Variants in LRIT3 observed in about 807,000 individuals in gnomAD.
The protein encoded by LRIT3 is leucine rich repeat, Ig-like and transmembrane domains 3.
In LRIT3, 14 loss-of-function variants were observed where a neutral mutation model predicts 22.6. The observed-to-expected ratio is 0.62, with a 90% CI of 0.41 to 0.97. The LOEUF is 0.97. Among genes scored for constraint, LRIT3 ranks in the 50% least tolerant of loss-of-function variants. The pLI is 0.00. For missense variants in LRIT3, 783 were observed against 803.0 expected (o/e 0.98, Z 0.30); for synonymous variants, 306 against 304.5 (o/e 1.01, Z -0.05).
At chr4:109,855,278 T>G (rs1399027364) in intron 2 of LRIT3, among the ~76,000 whole-genome samples, 3 of 152,180 alleles carry the variant, frequency 2.0e-5, no homozygotes, top group Non-Finnish European at 2.9e-5. Context: ...GGAGGGTGTA[T>G]GTGTCCAGGA....
intron 2 of LRIT3, among the ~76,000 whole-genome samples, chr4:109,854,248 C>A (rs2125897962): frequency 6.6e-6 from 1 of 152,222 alleles, no homozygotes; most frequent in Middle Eastern, 3.4e-3. Context: ...TTGTTTATAT[C>A]TTCTTTTATT....
intron 2 of LRIT3, chr4:109,865,111 T>G: frequency 7.1e-7 from 1 of 1,414,500 alleles, no homozygotes; most frequent in South Asian, 1.6e-5. Context: ...ATTATTTTTA[T>G]TTTATAGGCT....
intron 1 of LRIT3, among the ~76,000 whole-genome samples, 164 bp downstream of exon 1, chr4:109,848,481 C>T (rs1734131024): frequency 6.6e-6 from 1 of 152,196 alleles, no homozygotes; most frequent in Non-Finnish European, 1.5e-5. Context: ...TGGTCACCTA[C>T]TCCTTCACTG....
Position 109,870,223 on chromosome 4 carries a change from G to A in LRIT3, c.1474G>A (p.Val492Met), listed in dbSNP as rs771574948. The A allele has an allele frequency of 1.2e-6, 2 of 1,614,178 alleles. No individual in the cohort carries two copies. The highest frequency in any genetic ancestry group is 4.5e-5 in the East Asian group (2 of 44,886). Reference sequence around the variant, plus strand: ...AAATGCCGCAATAGAAAACCTCAGGGTGGTCAGTGAGACTAAAGAGAGTGT... The same window carrying A: ...AAATGCCGCAATAGAAAACCTCAGGATGGTCAGTGAGACTAAAGAGAGTGT... The part of the protein sequence containing the change: ...ETNAAIENLR[V>M]VSETKESVTL... The change falls in exon 4 of 4, where the codon GTG becomes ATG. Residue 492 changes from valine to methionine, a missense_variant. Physicochemically the swap from Val to Met is conservative, Grantham distance 21. This residue lies in a region of LRIT3 where 756 missense variants were observed against 753.8 expected (regional missense o/e 1.00). Coordinates refer to ENST00000594814, the MANE Select transcript of LRIT3 (RefSeq NM_198506.5).
At chr4:109,866,109 C>A (rs1734673416) in intron 2 of LRIT3, among the ~76,000 whole-genome samples, 1 of 152,036 alleles carries the variant, frequency 6.6e-6, no homozygotes, top group South Asian at 2.1e-4. Flanking sequence ...AAAATACGAG[C>A]CAGTCATGAC....
rs1323611731 is a variant in LRIT3, at chr4:109,851,710, A to G, written c.323A>G (p.His108Arg). ...AGCTTTTACAACCTGAAGCAACTGCATGAGTTGCGCTTGGATGGGAATTCT... is the reference window on the plus strand; with the variant it reads ...AGCTTTTACAACCTGAAGCAACTGCGTGAGTTGCGCTTGGATGGGAATTCT... Reference protein sequence around the residue: ...PSSFYNLKQLHELRLDGNSLA... With the variant: ...PSSFYNLKQLRELRLDGNSLA... Residue 108 changes from histidine to arginine, a missense_variant, in exon 2 of 4, where the codon CAT (histidine) becomes CGT (arginine). His to Arg is a conservative substitution (Grantham distance 29). Around this residue, in one of 2 missense-constraint regions of LRIT3, gnomAD observed 756 missense variants for 753.8 expected, o/e 1.00. Coordinates refer to ENST00000594814, the MANE Select transcript of LRIT3 (RefSeq NM_198506.5). 21 of 1,551,738 alleles carry G rather than the reference A, an allele frequency of 1.4e-5. No individual in the cohort carries two copies. The highest frequency in any genetic ancestry group is 1.8e-5 in the Non-Finnish European group (21 of 1,146,996).
chr4:109,858,065 T>C (rs1220050356), intron 2 of LRIT3, among the ~76,000 whole-genome samples: 1 of 152,008 alleles, frequency 6.6e-6, no homozygotes, highest in Non-Finnish European at 1.5e-5. Context: ...AAACCTAAAG[T>C]GATATTGAAA....
At position 109,870,261 on chromosome 4, in the gene LRIT3, G is replaced by C; in HGVS notation, c.1512G>C (p.Trp504Cys). ...CTAAAGAGAGTGTGACATTGACGTG[G>C]AATATGATCAACACCACACATAACT... The part of the protein sequence containing the change: ...SETKESVTLT[W>C]NMINTTHNSA... Residue 504 changes from tryptophan (W) to cysteine (C), a missense_variant, in exon 4 of 4, where the codon TGG becomes TGC. Coordinates refer to ENST00000594814, the MANE Select transcript of LRIT3 (RefSeq NM_198506.5). The C allele has an allele frequency of 6.2e-7, 1 of 1,614,188 alleles. No homozygotes were observed. Among genetic ancestry groups the C allele is most frequent in the African/African-American group, 1.3e-5 (1 of 75,040 alleles).
Position 109,870,117 on chromosome 4 carries a change from G to T in LRIT3, c.1368G>T (p.Lys456Asn), listed in dbSNP as rs988351572. ...QGGKRNLKVA[K>N]NGSKLPPAST... ...GGAAAAGAAATTTAAAGGTGGCAAA[G>T]AATGGAAGTAAGCTTCCTCCAGCCA... The change falls in exon 4 of 4, where the codon AAG becomes AAT. Residue 456 changes from lysine (K) to asparagine (N), a missense_variant. Lys to Asn is a moderately conservative substitution (Grantham distance 94). Coordinates refer to ENST00000594814, the MANE Select transcript of LRIT3 (RefSeq NM_198506.5). 5 of 1,614,054 alleles carry T rather than the reference G, an allele frequency of 3.1e-6. No individual in the cohort carries two copies. The highest frequency in any genetic ancestry group is 1.3e-5 in the African/African-American group (1 of 74,926).
chr4:109,855,372 G>A (rs1734375262), intron 2 of LRIT3, among the ~76,000 whole-genome samples: 1 of 152,026 alleles, frequency 6.6e-6, no homozygotes, highest in South Asian at 2.1e-4. Context: ...TATTTCTTTG[G>A]GATCAGTGGT....
chr4:109,851,345 G>C, intron 1 of LRIT3, 159 bp from the exon 2 acceptor site: 1 of 981,834 alleles, frequency 1.0e-6, no homozygotes, highest in Non-Finnish European at 1.5e-6. Context: ...ACCTTGGTTA[G>C]ATTTGAACCA....
intron 1 of LRIT3, among the ~76,000 whole-genome samples, chr4:109,850,422 C>CTTTCTTTCTCTTT (rs1553922077): frequency 1.8e-5 from 1 of 55,088 alleles, no homozygotes; most frequent in South Asian, 7.3e-4. Flanking sequence ...TTCCTTCCTT[C>CTTTCTTTCTCTTT]CTTTCTTTCT....
At chr4:109,852,167 G>A (rs1455588864) in intron 2 of LRIT3, among the ~76,000 whole-genome samples, 191 bp downstream of exon 2, 1 of 152,190 alleles carries the variant, frequency 6.6e-6, no homozygotes, top group African/African-American at 2.4e-5. Flanking sequence ...AGCTGTGTGT[G>A]TGTGCATGCA....
At chr4:109,857,101 G>T (rs1288199249) in intron 2 of LRIT3, among the ~76,000 whole-genome samples, 1 of 152,062 alleles carries the variant, frequency 6.6e-6, no homozygotes, top group Admixed American at 6.6e-5. Flanking sequence ...GTCAATACAA[G>T]TATACAAGTA....
chr4:109,851,906 G>A lies in LRIT3; in HGVS notation c.519G>A (p.Leu173=), dbSNP rs1389332912. Residue 173 remains leucine, a synonymous_variant, in exon 2 of 4, where the codon CTG becomes CTA. Transcript: ENST00000594814. The part of the protein sequence containing the change: ...NRLTTLPPDF[L]ESWTHLVSTP... ...TCACCACATTGCCACCAGATTTCCT[G>A]GAGAGCTGGACTCATTTAGTTTCAA... 2 of 1,551,470 alleles carry A rather than the reference G, an allele frequency of 1.3e-6. No homozygotes were observed. The highest frequency in any genetic ancestry group is 1.7e-6 in the Non-Finnish European group (2 of 1,146,964).
chr4:109,853,961 C>T (rs376120422), intron 2 of LRIT3, among the ~76,000 whole-genome samples: 1 of 152,172 alleles, frequency 6.6e-6, no homozygotes, highest in Non-Finnish European at 1.5e-5. Context: ...GTTTTGGTAT[C>T]AGTACTGTGC....
rs1413115459 is a variant in LRIT3, at chr4:109,851,985, G to T, written c.589+9G>T. ...AAGCAGGATTATTCTTGGTAAGCTC[G>T]CAAGCCTCTGGGCTTTTCATCTATA... On this transcript the variant is annotated intron_variant, in intron 2 of 3. Transcript: ENST00000594814. The T allele has an allele frequency of 6.6e-7, 1 of 1,526,000 alleles. No individual in the cohort carries two copies. Among genetic ancestry groups the T allele is most frequent in the South Asian group, 1.3e-5 (1 of 79,494 alleles). 94.5% of individuals were successfully genotyped at this position (1,526,000 alleles called of 1,614,324 possible). A position where few individuals can be genotyped will look rare whatever the true frequency, so the allele number is the denominator to read the frequency against.
intron 2 of LRIT3, among the ~76,000 whole-genome samples, chr4:109,855,816 G>A (rs896490437): frequency 1.3e-5 from 2 of 152,162 alleles, no homozygotes; most frequent in African/African-American, 4.8e-5. Flanking sequence ...TCATTAAGGA[G>A]CAGGTTGTCC....
At chr4:109,853,185 T>G (rs1197367994) in intron 2 of LRIT3, among the ~76,000 whole-genome samples, 5 of 152,190 alleles carry the variant, frequency 3.3e-5, no homozygotes, top group Non-Finnish European at 5.9e-5. Context: ...TTGAACTAAT[T>G]TATACTCCCA....
Sources: gnomAD v4.1 joint callset for allele counts (sites outside exome capture counted in the v4.1 genomes callset) on GRCh38, gnomAD v4.1.1 for gene constraint, gnomAD v4.1.1 regional missense constraint, MANE v1.5 for transcripts, NCBI Gene and HGNC (gene_info 2026-07-23, HGNC 2026-07-21) for gene names.